NR3C1: variants seen among roughly 807,000 people sequenced by gnomAD.
The protein encoded by NR3C1 is nuclear receptor subfamily 3 group C member 1.
Under a neutral mutation model 74.0 loss-of-function variants are expected in NR3C1, and 14 were observed. That is an observed-to-expected ratio of 0.19 (90% CI 0.12 to 0.30). The LOEUF (loss-of-function observed/expected upper bound fraction) is 0.30. Ranked by LOEUF, NR3C1 falls within the 10% of genes least tolerant of loss-of-function variation. The pLI is 1.00. For missense variants in NR3C1, 695 were observed against 909.8 expected (o/e 0.76, Z 3.04); for synonymous variants, 308 against 332.5 (o/e 0.93, Z 0.80).
At chr5:143,374,193 A>G (rs1181217270) in intron 2 of NR3C1, among the ~76,000 whole-genome samples, 1 of 152,180 alleles carries the variant, frequency 6.6e-6, no homozygotes, top group Non-Finnish European at 1.5e-5. Context: ...CAAGGGCTTA[A>G]AAACATAGTG....
At chr5:143,324,776 T>C (rs1030405739) in intron 2 of NR3C1, among the ~76,000 whole-genome samples, 7 of 152,222 alleles carry the variant, frequency 4.6e-5, no homozygotes, top group Non-Finnish European at 8.8e-5. Context: ...ACCTTTTGAG[T>C]GCTTTGCTGC....
At chr5:143,405,299 C>G, upstream of NR3C1, 5 of 985,766 alleles carry the variant, frequency 5.1e-6, no homozygotes, top group Non-Finnish European at 6.0e-6. Flanking sequence ...TCCACCTAAT[C>G]CTGCTCGGGC....
At chr5:143,297,995 T>C (rs1378047672) in intron 6 of NR3C1, among the ~76,000 whole-genome samples, 2 of 152,048 alleles carry the variant, frequency 1.3e-5, no homozygotes, top group African/African-American at 4.8e-5. Context: ...CAGACTGTGC[T>C]TGAGGAAGCA....
chr5:143,381,206 T>C (rs144113521), intron 2 of NR3C1, among the ~76,000 whole-genome samples: 397 of 151,214 alleles, frequency 2.6e-3, no homozygotes, highest in African/African-American at 9.1e-3. Context: ...ACAGATAAAA[T>C]AAAACACCTA....
intron 2 of NR3C1, among the ~76,000 whole-genome samples, chr5:143,320,670 G>A (rs1414358073): frequency 6.6e-6 from 1 of 152,192 alleles, no homozygotes; most frequent in Non-Finnish European, 1.5e-5. Flanking sequence ...GTATTTATTT[G>A]TAGAGAGAAT....
At chr5:143,401,168 A>C in intron 1 of NR3C1, 1 of 360,850 alleles carries the variant, frequency 2.8e-6, no homozygotes, top group Non-Finnish European at 5.2e-6. Context: ...CAGACATTAT[A>C]ATTCATTACA....
chr5:143,297,441 G>A (rs1817549099), intron 6 of NR3C1, among the ~76,000 whole-genome samples: 1 of 152,078 alleles, frequency 6.6e-6, no homozygotes, highest in South Asian at 2.1e-4. Flanking sequence ...CTGCCAACAT[G>A]GTATTTTTTA....
In NR3C1 at chr5:143,400,240, A is replaced by C. The variant is rs1289106989; in HGVS notation, c.600T>G (p.Ser200=). The change falls in exon 2 of 9, where the codon TCT becomes TCG. Residue 200 remains serine (S), a synonymous_variant. Coordinates refer to ENST00000394464, the MANE Select transcript of NR3C1 (RefSeq NM_000176.3). ...TCGTCTCTTTACCTGGGGACCCAGA[A>C]GAAAACTCCAAATCCTGCAAAATGT... The part of the protein sequence containing the change: ...TFDILQDLEF[S]SGSPGKETNE... 6.3e-7 allele frequency: 1 copy of C among 1,598,372 alleles called. No homozygotes were observed. The highest frequency in any genetic ancestry group is 8.5e-7 in the Non-Finnish European group (1 of 1,173,622).
At chr5:143,350,105 A>T (rs1372716225) in intron 2 of NR3C1, among the ~76,000 whole-genome samples, 1 of 152,168 alleles carries the variant, frequency 6.6e-6, no homozygotes, top group Non-Finnish European at 1.5e-5. Context: ...ACCAAATCAT[A>T]AAAGACCCTG....
intron 2 of NR3C1, among the ~76,000 whole-genome samples, chr5:143,326,282 TA>T (rs1338576539): frequency 6.6e-6 from 1 of 152,230 alleles, no homozygotes; most frequent in Non-Finnish European, 1.5e-5. Context: ...GTGGGTCACT[TA>T]ACAGACAGTC....
chr5:143,398,708 CCT>C (rs1839707254), intron 2 of NR3C1, among the ~76,000 whole-genome samples: 1 of 151,992 alleles, frequency 6.6e-6, no homozygotes, highest in Non-Finnish European at 1.5e-5. Context: ...GGATATAAAA[CCT>C]AGCATTTATC....
intron 1 of NR3C1, among the ~76,000 whole-genome samples, chr5:143,429,931 A>C: frequency 6.6e-6 from 1 of 151,970 alleles, no homozygotes; most frequent in Non-Finnish European, 1.5e-5. Context: ...AATACAAAAA[A>C]ATTAGATGGG....
chr5:143,406,228 C>G (rs1367015784), upstream of NR3C1, among the ~76,000 whole-genome samples: 1 of 151,874 alleles, frequency 6.6e-6, no homozygotes, highest in East Asian at 1.9e-4. Context: ...AATCTCTGCT[C>G]TAAGAATCCA....
Position 143,368,534 on chromosome 5 carries a change from T to TACACAC in NR3C1, c.1184+31116_1184+31121dup, listed in dbSNP as rs201482184. On this transcript the variant is annotated intron_variant, in intron 2 of 8. Coordinates refer to ENST00000394464, the MANE Select transcript of NR3C1 (RefSeq NM_000176.3). ...TATATACATACACATATATTCTAGA[T>TACACAC]ACACACACACACACACACACACACA... is the stretch of plus-strand genomic sequence containing the variant. Among the ~76,000 whole-genome samples the TACACAC allele has an allele frequency of 1.3e-3, 193 of 145,044 alleles. 1 individual carries two copies. Among genetic ancestry groups the TACACAC allele is most frequent in the Middle Eastern group, 3.5e-3 (1 of 282 alleles).
At chr5:143,403,118 T>C in intron 1 of NR3C1, 93 bp downstream of exon 1, 1 of 967,494 alleles carries the variant, frequency 1.0e-6, no homozygotes, top group Middle Eastern at 5.3e-4. Context: ...TAAAAGTTTG[T>C]AGGCTCCCGC....
At chr5:143,380,656 T>C (rs1338176637) in intron 2 of NR3C1, among the ~76,000 whole-genome samples, 1 of 111,468 alleles carries the variant, frequency 9.0e-6, no homozygotes, top group East Asian at 2.4e-4. Flanking sequence ...GTGTGGATTA[T>C]AGGGCAGGGG....
rs563605678 is a variant in NR3C1 at position 143,422,438 on chromosome 5, C to G, written c.-14+12094G>C. Among the ~76,000 whole-genome samples, 3 of 152,242 alleles carry G rather than the reference C, an allele frequency of 2.0e-5. No individual in the cohort carries two copies. The South Asian group carries it at 6.2e-4, about 32-fold the overall frequency. On this transcript the variant is annotated intron_variant, in intron 1 of 8. Transcript: ENST00000343796. ...TGTTCTTATCTGTAAAATGGGGGTGCTATGTTCTGAATGTCTGTGTCCTTT... is the reference window on the plus strand; with the variant it reads ...TGTTCTTATCTGTAAAATGGGGGTGGTATGTTCTGAATGTCTGTGTCCTTT...
intron 4 of NR3C1, among the ~76,000 whole-genome samples, chr5:143,305,720 T>G (rs535806157): frequency 5.9e-5 from 9 of 152,096 alleles, no homozygotes; most frequent in African/African-American, 1.9e-4. Context: ...GAACAGACAC[T>G]GGGAAATACA....
chr5:143,396,122 A>C (rs531334274), intron 2 of NR3C1, among the ~76,000 whole-genome samples: 8 of 151,964 alleles, frequency 5.3e-5, no homozygotes, highest in African/African-American at 1.9e-4. Flanking sequence ...AGCCATAGAA[A>C]CATCGTAAGT....
Sources: allele counts gnomAD v4.1 joint callset (sites outside exome capture counted in the v4.1 genomes callset), GRCh38; gene constraint gnomAD v4.1.1; transcripts MANE v1.5; gene names NCBI Gene and HGNC (gene_info 2026-07-23, HGNC 2026-07-21).